NBEA: variants seen among roughly 807,000 people sequenced by gnomAD.
NBEA encodes the protein neurobeachin, also known as lysosomal-trafficking regulator 2.
In NBEA, 44 loss-of-function variants were observed where a neutral mutation model predicts 343.4. The observed-to-expected ratio is 0.13, with a 90% CI of 0.10 to 0.16. NBEA has a LOEUF of 0.16. Among genes scored for constraint, NBEA ranks in the 10% least tolerant of loss-of-function variants. The pLI is 1.00. For missense variants in NBEA, 2,555 were observed against 3,631.3 expected (o/e 0.70, Z 7.62); for synonymous variants, 1,175 against 1,238.7 (o/e 0.95, Z 1.08).
Position 35,541,062 on chromosome 13 carries a change from T to C in NBEA, c.6586-9415T>C, listed in dbSNP as rs142623014. ...ATTATTCTCAGACCAGAGTCCAAAC[T>C]CTAATGTGAGTTATGAGATCTCGCC... On this transcript the variant is annotated intron_variant, in intron 41 of 58. Coordinates refer to ENST00000379939, the MANE Select transcript of NBEA (RefSeq NM_001385012.1). Among the ~76,000 whole-genome samples the C allele has an allele frequency of 2.4e-3, 366 of 152,236 alleles. 2 individuals carry two copies. The highest frequency in any genetic ancestry group is 8.6e-3 in the African/African-American group (356 of 41,558).
At chr13:35,595,797 C>T (rs2081766002) in intron 47 of NBEA, among the ~76,000 whole-genome samples, 1 of 151,942 alleles carries the variant, frequency 6.6e-6, no homozygotes. Context: ...TTCCCCGTGC[C>T]CCCTACACCC....
intron 41 of NBEA, among the ~76,000 whole-genome samples, chr13:35,535,180 G>A (rs886516383): frequency 2.6e-5 from 4 of 152,320 alleles, no homozygotes; most frequent in African/African-American, 4.8e-5. Flanking sequence ...GTTAAACTGA[G>A]TTGCATTTCT....
chr13:34,970,913 T>C (rs1417922607), intron 1 of NBEA, among the ~76,000 whole-genome samples: 1 of 152,166 alleles, frequency 6.6e-6, no homozygotes, highest in Non-Finnish European at 1.5e-5. Context: ...CTGTGAAGAA[T>C]GTCAATGGTA....
Position 35,502,226 on chromosome 13 carries a change from A to G in NBEA, c.6585+29690A>G, listed in dbSNP as rs554600850. Among the ~76,000 whole-genome samples, 105 of 152,286 alleles carry G rather than the reference A, an allele frequency of 6.9e-4. No homozygotes were observed. In the South Asian group the frequency reaches 0.022, roughly 31 times the overall value. On this transcript the variant is annotated intron_variant, in intron 41 of 58. Transcript: ENST00000379939. ...GACCTTAGGCTAACCTTTTGAAAAC[A>G]TCATGCTATAAAAAATTTTTGTTTA...
At chr13:35,652,921 C>G (rs1010741906) in intron 53 of NBEA, among the ~76,000 whole-genome samples, 14 of 151,510 alleles carry the variant, frequency 9.2e-5, no homozygotes, top group Non-Finnish European at 1.8e-4. Flanking sequence ...GTCTCGATCT[C>G]CTGACCTCGT....
At chr13:35,257,253 A>G (rs1177440398) in intron 34 of NBEA, among the ~76,000 whole-genome samples, 1 of 152,254 alleles carries the variant, frequency 6.6e-6, no homozygotes, top group Non-Finnish European at 1.5e-5. Context: ...AGGCATGTAC[A>G]GGTCAAATTG....
At chr13:35,497,470 C>T (rs2076725505) in intron 41 of NBEA, among the ~76,000 whole-genome samples, 1 of 152,056 alleles carries the variant, frequency 6.6e-6, no homozygotes, top group Admixed American at 6.5e-5. Flanking sequence ...TCTGGAAGTA[C>T]ATTTTAGCAT....
intron 33 of NBEA, among the ~76,000 whole-genome samples, chr13:35,224,815 T>C (rs767082114): frequency 6.6e-6 from 1 of 152,160 alleles, no homozygotes; most frequent in African/African-American, 2.4e-5. Context: ...AATTTTTAGT[T>C]GAAAACTGGA....
At chr13:35,574,384 A>AAAAC (rs1431533278) in intron 45 of NBEA, among the ~76,000 whole-genome samples, 1 of 127,994 alleles carries the variant, frequency 7.8e-6, no homozygotes, top group East Asian at 2.3e-4. Flanking sequence ...CACTATCAAA[A>AAAAC]AAAAAGAAAA....
At chr13:35,556,834 G>A (rs1293761113) in intron 44 of NBEA, among the ~76,000 whole-genome samples, 7 of 152,042 alleles carry the variant, frequency 4.6e-5, no homozygotes, top group Admixed American at 3.9e-4. Context: ...TGCAAATTAA[G>A]AAAGATTTCA....
At chr13:34,954,116 A>G (rs1014227635) in intron 1 of NBEA, among the ~76,000 whole-genome samples, 4 of 152,194 alleles carry the variant, frequency 2.6e-5, no homozygotes, top group African/African-American at 9.6e-5. Context: ...AACTATTTAC[A>G]TAGCATTTAC....
intron 36 of NBEA, among the ~76,000 whole-genome samples, chr13:35,314,838 T>C (rs980990849): frequency 2.0e-5 from 3 of 152,210 alleles, no homozygotes; most frequent in African/African-American, 7.2e-5. Context: ...AGAATTTTGC[T>C]TATTCCCACC....
intron 39 of NBEA, among the ~76,000 whole-genome samples, chr13:35,445,329 T>G (rs2045946825): frequency 6.6e-6 from 1 of 152,166 alleles, no homozygotes; most frequent in Non-Finnish European, 1.5e-5. Context: ...TATCAAAATT[T>G]TAATAAACAT....
At chr13:35,090,950 A>C (rs2065049871) in intron 10 of NBEA, among the ~76,000 whole-genome samples, 2 of 152,036 alleles carry the variant, frequency 1.3e-5, no homozygotes, top group South Asian at 4.1e-4. Flanking sequence ...ATTATCCCCT[A>C]ACATGAATTA....
intron 41 of NBEA, chr13:35,475,042 C>A (rs1164506727): frequency 1.2e-6 from 2 of 1,602,962 alleles, no homozygotes; most frequent in Non-Finnish European, 1.7e-6. Context: ...AATTTCGGCT[C>A]TTGATTAAAT....
intron 41 of NBEA, among the ~76,000 whole-genome samples, chr13:35,520,434 T>G (rs1177511126): frequency 6.6e-6 from 1 of 152,174 alleles, no homozygotes; most frequent in Non-Finnish European, 1.5e-5. Context: ...ACCAGCGAGA[T>G]TCTAACATTT....
In NBEA at chr13:35,655,602, G is replaced by A; in HGVS notation, c.8215G>A (p.Gly2739Ser). 6.2e-7 allele frequency: 1 copy of A among 1,613,576 alleles called. No individual in the cohort carries two copies. Among genetic ancestry groups the A allele is most frequent in the Non-Finnish European group, 8.5e-7 (1 of 1,179,732 alleles). The part of the protein sequence containing the change: ...ETGKLTQIVF[G>S]HWDVVTCLAR... ...AGGGAAATTGACTCAGATTGTATTTGGCCATTGGGATGTGGTCACTTGCTT... is the reference window on the plus strand; with the variant it reads ...AGGGAAATTGACTCAGATTGTATTTAGCCATTGGGATGTGGTCACTTGCTT... Residue 2739 changes from glycine (G) to serine (S), a missense_variant, in exon 55 of 59, where the codon GGC becomes AGC. Physicochemically the swap from Gly to Ser is moderately conservative, Grantham distance 56. Around this residue, in one of 21 missense-constraint regions of NBEA, gnomAD observed 186 missense variants for 328.9 expected, o/e 0.57. Transcript: ENST00000379939.
chr13:34,992,232 GTGTGTGTATA>G (rs2060781849), intron 1 of NBEA, among the ~76,000 whole-genome samples: 3 of 112,448 alleles, frequency 2.7e-5, no homozygotes, highest in African/African-American at 9.2e-5. Flanking sequence ...ATGTGTGTGT[GTGTGTGTATA>G]TATATATATA....
chr13:35,257,249 GTA>G (rs1031103184), intron 34 of NBEA, among the ~76,000 whole-genome samples: 1 of 152,198 alleles, frequency 6.6e-6, no homozygotes, highest in African/African-American at 2.4e-5. Context: ...TATGAGGCAT[GTA>G]CAGGTCAAAT....
Sources: gnomAD v4.1 joint callset for allele counts (sites outside exome capture counted in the v4.1 genomes callset) on GRCh38, gnomAD v4.1.1 for gene constraint, gnomAD v4.1.1 regional missense constraint, MANE v1.5 for transcripts, NCBI Gene and HGNC (gene_info 2026-07-23, HGNC 2026-07-21) for gene names.